Variants in VPS13B observed in about 807,000 individuals in gnomAD.
VPS13B encodes intermembrane lipid transfer protein VPS13B.
In VPS13B, 285 loss-of-function variants were observed where a neutral mutation model predicts 426.4. The ratio of observed to expected loss-of-function variants is 0.67; its 90% CI spans 0.61 to 0.74. The LOEUF is 0.74. Ranked by LOEUF, VPS13B falls within the 30% of genes least tolerant of loss-of-function variation. The pLI, the probability that VPS13B is intolerant of heterozygous loss-of-function variation, is 0.00. For synonymous variants in VPS13B, 1,676 were observed against 1,676.4 expected (o/e 1.00, Z 0.01); for missense variants, 4,537 against 4,782.6 (o/e 0.95, Z 1.51).
intron 29 of VPS13B, among the ~76,000 whole-genome samples, chr8:99,512,132 C>G (rs1821822904): frequency 6.6e-6 from 1 of 152,218 alleles, no homozygotes; most frequent in Non-Finnish European, 1.5e-5. Flanking sequence ...ATTCTTAATA[C>G]AAGCCAGTTT....
At chr8:99,321,748 T>C (rs1809999012) in intron 19 of VPS13B, among the ~76,000 whole-genome samples, 2 of 152,182 alleles carry the variant, frequency 1.3e-5, no homozygotes, top group Admixed American at 1.3e-4. Context: ...TAACATTATT[T>C]TTGCTTAGTA....
Position 99,656,244 on chromosome 8 carries a change from T to C in VPS13B, c.5909-5110T>C, listed in dbSNP as rs1486580585. On this transcript the variant is annotated intron_variant, in intron 34 of 61. Transcript: ENST00000357162. The stretch of plus-strand genomic sequence containing the variant: ...TCGAACTCACTCTGAACCAAATTTA[T>C]GGCTGTGGGCAGTTTGTCATTTATT... 3.3e-5 allele frequency among the ~76,000 whole-genome samples: 5 copies of C among 152,338 alleles called. No homozygotes were observed. In the East Asian group the frequency reaches 9.6e-4, roughly 29 times the overall value.
chr8:99,418,510 T>TC (rs1446823811), intron 21 of VPS13B, among the ~76,000 whole-genome samples: 105 of 142,684 alleles, frequency 7.4e-4, no homozygotes, highest in Admixed American at 1.2e-3. Context: ...TTTCTTTCTT[T>TC]CTTTCCTTTC....
chr8:99,013,619 A>C (rs955527550), intron 1 of VPS13B, 141 bp from the exon 2 acceptor site: 2 of 704,192 alleles, frequency 2.8e-6, no homozygotes, highest in African/African-American at 3.6e-5. Context: ...TGGAGCTGGG[A>C]GTCCGCTGGA....
chr8:99,368,745 T>G (rs1184946979), intron 19 of VPS13B, among the ~76,000 whole-genome samples: 1 of 152,204 alleles, frequency 6.6e-6, no homozygotes, highest in Non-Finnish European at 1.5e-5. Flanking sequence ...GCTCCATTCA[T>G]TTTTATTTTC....
chr8:99,055,033 G>GTTTTTTTTT (rs775826222), intron 3 of VPS13B, among the ~76,000 whole-genome samples: 10 of 109,348 alleles, frequency 9.1e-5, no homozygotes, highest in Non-Finnish European at 1.7e-4. Flanking sequence ...TTGTATTTCT[G>GTTTTTTTTT]TTTTTTTTTT....
chr8:99,169,630 AAT>A (rs1812212315), intron 15 of VPS13B, among the ~76,000 whole-genome samples: 1 of 145,284 alleles, frequency 6.9e-6, no homozygotes, highest in Admixed American at 7.6e-5. Context: ...TCTTGTAGTT[AAT>A]GTTATTTTAG....
intron 31 of VPS13B, among the ~76,000 whole-genome samples, chr8:99,559,483 T>C (rs1226315964): frequency 2.0e-5 from 3 of 152,230 alleles, no homozygotes; most frequent in Admixed American, 2.0e-4. Context: ...TCCTTGCCCA[T>C]GCCTGTGTCC....
At chr8:99,594,856 A>G (rs760535161) in intron 33 of VPS13B, among the ~76,000 whole-genome samples, 2 of 151,712 alleles carry the variant, frequency 1.3e-5, no homozygotes, top group Non-Finnish European at 2.9e-5. Flanking sequence ...TGCTCTTTTC[A>G]CTCAGGATTC....
At position 99,642,348 on chromosome 8, in the gene VPS13B, G is replaced by A; in HGVS notation, c.5758G>A (p.Gly1920Arg). The A allele has an allele frequency of 6.2e-7, 1 of 1,614,154 alleles. No homozygotes were observed. The highest frequency in any genetic ancestry group is 8.5e-7 in the Non-Finnish European group (1 of 1,180,004). Residue 1920 changes from glycine (G) to arginine (R), a missense_variant, in exon 34 of 62, where the codon GGA becomes AGA. Around this residue, in one of 2 missense-constraint regions of VPS13B, gnomAD observed 4,311 missense variants for 4,474.3 expected, o/e 0.96. Transcript: ENST00000357162. ...TATTGTTCGGCAGCCTGGTCGAAGA[G>A]GAACTGGTGACTTACAGCTAGAGCC... ...ITIVRQPGRR[G>R]TGDLQLEPFL...
rs1179388619 is a variant in VPS13B, at chr8:99,241,707, A to AT, written c.2516-32483dup. On this transcript the variant is annotated intron_variant, in intron 17 of 61. Coordinates refer to ENST00000357162, the MANE Select transcript of VPS13B (RefSeq NM_152564.5). Reference sequence around the variant, plus strand: ...TTCAAAAGAACCTTTGAAAGAAGCAATTTTTTTTGTTTCTTTTAATATGTC... The same window carrying AT: ...TTCAAAAGAACCTTTGAAAGAAGCAATTTTTTTTTGTTTCTTTTAATATGTC... Among the ~76,000 whole-genome samples, 6 of 152,086 alleles carry AT rather than the reference A, an allele frequency of 3.9e-5. No individual in the cohort carries two copies. In the East Asian group the frequency reaches 5.8e-4, roughly 15 times the overall value.
At chr8:99,104,949 C>T (rs1226836371) in intron 5 of VPS13B, among the ~76,000 whole-genome samples, 2 of 152,038 alleles carry the variant, frequency 1.3e-5, no homozygotes, top group African/African-American at 4.8e-5. Flanking sequence ...TATCCTGAAG[C>T]CTGTTTTTAT....
At position 99,156,778 on chromosome 8, in the gene VPS13B, G is replaced by GGATTTTCTT. The variant is rs753159024; in HGVS notation, c.2208+36_2208+37insATTTTCTTG. ...GTGAATTTTCTTGTTTGTTAGCATG[G>GGATTTTCTT]GTTTGGCTTTGGGATCATCAGATAA... is the stretch of plus-strand genomic sequence containing the variant. On this transcript the variant is annotated intron_variant, in intron 15 of 61. Transcript: ENST00000357162. The GGATTTTCTT allele has an allele frequency of 1.4e-5, 22 of 1,610,146 alleles. No individual in the cohort carries two copies. The Admixed American group carries it at 3.7e-4, about 27-fold the overall frequency.
chr8:99,276,089 A>G (rs1284717306), intron 19 of VPS13B, among the ~76,000 whole-genome samples: 1 of 152,200 alleles, frequency 6.6e-6, no homozygotes, highest in East Asian at 1.9e-4. Flanking sequence ...CAGCACTAGT[A>G]TGTTCAAGTG....
chr8:99,828,394 G>GTTTCTTTT (rs1814831585), intron 51 of VPS13B, among the ~76,000 whole-genome samples: 1 of 17,424 alleles, frequency 5.7e-5, no homozygotes, highest in African/African-American at 2.4e-4. Flanking sequence ...TACAACCACC[G>GTTTCTTTT]TTTTTTTTTT....
At chr8:99,519,167 T>C (rs1822242118) in intron 29 of VPS13B, among the ~76,000 whole-genome samples, 1 of 152,194 alleles carries the variant, frequency 6.6e-6, no homozygotes. Context: ...CACCCACTTT[T>C]TGATGGGGTT....
At chr8:99,678,569 GTTTT>G (rs11405601) in intron 35 of VPS13B, among the ~76,000 whole-genome samples, 4 of 143,328 alleles carry the variant, frequency 2.8e-5, no homozygotes, top group African/African-American at 1.0e-4. Flanking sequence ...ATCTGATTCT[GTTTT>G]TTTTTTTTAA....
At chr8:99,655,161 G>A (rs571032564) in intron 34 of VPS13B, among the ~76,000 whole-genome samples, 5 of 152,276 alleles carry the variant, frequency 3.3e-5, no homozygotes, top group Admixed American at 3.3e-4. Context: ...TTAGAAAATG[G>A]AAAGCAGTCT....
intron 34 of VPS13B, among the ~76,000 whole-genome samples, chr8:99,645,680 A>G (rs537392630): frequency 1.3e-5 from 2 of 152,330 alleles, no homozygotes; most frequent in East Asian, 1.9e-4. Context: ...TGTTTTGAAG[A>G]TGCAGATTTC....
Sources: gnomAD v4.1 joint callset for allele counts (sites outside exome capture counted in the v4.1 genomes callset) on GRCh38, gnomAD v4.1.1 for gene constraint, gnomAD v4.1.1 regional missense constraint, MANE v1.5 for transcripts, NCBI Gene and HGNC (gene_info 2026-07-23, HGNC 2026-07-21) for gene names.